TNIK: variants seen among roughly 807,000 people sequenced by gnomAD.
The protein encoded by TNIK is TRAF2 and NCK interacting kinase.
In TNIK, 49 loss-of-function variants were observed where a neutral mutation model predicts 191.3. The ratio of observed to expected loss-of-function variants is 0.26; its 90% CI spans 0.20 to 0.32. The LOEUF is 0.32. Ranked by LOEUF, TNIK falls within the 10% of genes least tolerant of loss-of-function variation. The pLI, the probability that TNIK is intolerant of heterozygous loss-of-function variation, is 1.00. For synonymous variants in TNIK, 594 were observed against 600.9 expected (o/e 0.99, Z 0.17); for missense variants, 1,155 against 1,702.3 (o/e 0.68, Z 5.66).
At chr3:171,221,062 T>G (rs976465985) in intron 3 of TNIK, among the ~76,000 whole-genome samples, 1 of 152,166 alleles carries the variant, frequency 6.6e-6, no homozygotes, top group African/African-American at 2.4e-5. Context: ...CAGTTGTTCA[T>G]TTTTAGAACC....
rs563969849 is a variant in TNIK, at chr3:171,259,160, T to C, written c.124-30939A>G. Among the ~76,000 whole-genome samples, 5 of 152,244 alleles carry C rather than the reference T, an allele frequency of 3.3e-5. No homozygotes were observed. The East Asian group carries it at 9.6e-4, about 29-fold the overall frequency. On this transcript the variant is annotated intron_variant, in intron 2 of 32. Transcript: ENST00000436636. The stretch of plus-strand genomic sequence containing the variant: ...TGTATGTGTGTGTGTATATGGCACA[T>C]AGTGTGTACTTTATAAATGTTGGGG...
chr3:171,419,683 G>A (rs539561715), intron 1 of TNIK, among the ~76,000 whole-genome samples: 1 of 152,304 alleles, frequency 6.6e-6, no homozygotes, highest in African/African-American at 2.4e-5. Flanking sequence ...TGTGACGTGG[G>A]GAGAGCATGG....
rs1056584921 is a variant in TNIK, at chr3:171,140,574, G to T, written c.1222-65C>A. ...CCCGGTGGGGGGTGTCAGGGAGCCA[G>T]CAGGAAAAGCTGTTGAACCCCAGAC... On this transcript the variant is annotated intron_variant, in intron 12 of 32. Coordinates refer to ENST00000436636, the MANE Select transcript of TNIK (RefSeq NM_015028.4). 87 of 1,477,154 alleles carry T rather than the reference G, an allele frequency of 5.9e-5. No homozygotes were observed. The Admixed American group carries it at 1.5e-3, about 25-fold the overall frequency. 91.5% of individuals were successfully genotyped at this position (1,477,154 alleles called of 1,614,324 possible). A position where few individuals can be genotyped will look rare whatever the true frequency, so the allele number is the denominator to read the frequency against.
chr3:171,284,787 G>A (rs567759206), intron 2 of TNIK, among the ~76,000 whole-genome samples: 1 of 152,216 alleles, frequency 6.6e-6, no homozygotes, highest in Non-Finnish European at 1.5e-5. Flanking sequence ...TAGCAAATAT[G>A]TATTAATACA....
chr3:171,228,842 C>G (rs562635643), intron 2 of TNIK, among the ~76,000 whole-genome samples: 2 of 152,240 alleles, frequency 1.3e-5, no homozygotes, highest in African/African-American at 4.8e-5. Flanking sequence ...AAATCAGAAA[C>G]GAGTAGGGAG....
At position 171,460,152 on chromosome 3, in the gene TNIK, C is replaced by T. The variant is rs1374147012; in HGVS notation, c.-89G>A. 2 of 1,504,046 alleles carry T rather than the reference C, an allele frequency of 1.3e-6. No homozygotes were observed. The highest frequency in any genetic ancestry group is 1.8e-6 in the Non-Finnish European group (2 of 1,109,748). 93.2% of individuals were successfully genotyped at this position (1,504,046 alleles called of 1,614,324 possible). A position where few individuals can be genotyped will look rare whatever the true frequency, so the allele number is the denominator to read the frequency against. On this transcript the variant is annotated 5_prime_UTR_variant, in exon 1 of 33. The change abolishes an upstream ATG in the 5' untranslated region. Coordinates refer to ENST00000436636, the MANE Select transcript of TNIK (RefSeq NM_015028.4). The surrounding 1 kb of genome is among the most constrained non-coding windows in gnomAD (Gnocchi z 6.8). ...CCTTGGTCTATTTCACTCGCGTCCT[C>T]ATGCGGGTGTCGCGCCAGAGGCCCC...
Position 171,084,325 on chromosome 3 carries a change from G to A in TNIK, c.2999C>T (p.Ala1000Val). 6.2e-7 allele frequency: 1 copy of A among 1,607,892 alleles called. No homozygotes were observed. The highest frequency in any genetic ancestry group is 8.5e-7 in the Non-Finnish European group (1 of 1,175,570). ...CCTAAGAAGTTCGCTAGTAAACAGA[G>A]CTTTGAGAAAAAGAATCAGAGAAGT... is the stretch of plus-strand genomic sequence containing the variant. ...DEEDEESSAA[A>V]LFTSELLRQE... Residue 1000 changes from alanine to valine, a missense_variant and splice_region_variant, in exon 26 of 33, where the codon GCT becomes GTT. Around this residue, in one of 3 missense-constraint regions of TNIK, gnomAD observed 735 missense variants for 848.0 expected, o/e 0.87. Coordinates refer to ENST00000436636, the MANE Select transcript of TNIK (RefSeq NM_015028.4).
chr3:171,309,268 G>T (rs1367787134), intron 2 of TNIK, among the ~76,000 whole-genome samples: 2 of 152,146 alleles, frequency 1.3e-5, no homozygotes, highest in Non-Finnish European at 2.9e-5. Context: ...GATGGAGCTG[G>T]AGGTCATCAT....
intron 1 of TNIK, among the ~76,000 whole-genome samples, chr3:171,436,236 C>G (rs2108675884): frequency 6.6e-6 from 1 of 152,292 alleles, no homozygotes; most frequent in African/African-American, 2.4e-5. Context: ...GTTTTTACCA[C>G]TACACTTTGA....
chr3:171,365,346 C>G (rs1203058399), intron 2 of TNIK, among the ~76,000 whole-genome samples: 4 of 151,446 alleles, frequency 2.6e-5, no homozygotes, highest in Non-Finnish European at 5.9e-5. Flanking sequence ...CCACGCCCAG[C>G]TAATTTTGTA....
chr3:171,298,713 G>A (rs1430693866), intron 2 of TNIK, among the ~76,000 whole-genome samples: 2 of 152,158 alleles, frequency 1.3e-5, no homozygotes, highest in Admixed American at 1.3e-4. Flanking sequence ...ACTCTTGCTG[G>A]ATATGTACAA....
At chr3:171,453,582 T>C (rs1021469015) in intron 1 of TNIK, among the ~76,000 whole-genome samples, 4 of 152,110 alleles carry the variant, frequency 2.6e-5, no homozygotes, top group African/African-American at 9.7e-5. Flanking sequence ...AGAGAAGGCC[T>C]TGAATAAAAA....
At chr3:171,424,102 T>A (rs1428136234) in intron 1 of TNIK, among the ~76,000 whole-genome samples, 1 of 151,962 alleles carries the variant, frequency 6.6e-6, no homozygotes, top group East Asian at 1.9e-4. Flanking sequence ...AGGGCTAATA[T>A]CCAGAATCTA....
Position 171,173,457 on chromosome 3 carries a change from A to G in TNIK, c.773+1795T>C, listed in dbSNP as rs937147749. ...AGGAGATGTATACTAACCAACTGACACCAGCTTCTGAGTTGGGGGGAGGTG... is the reference window on the plus strand; with the variant it reads ...AGGAGATGTATACTAACCAACTGACGCCAGCTTCTGAGTTGGGGGGAGGTG... On this transcript the variant is annotated intron_variant, in intron 9 of 32. Coordinates refer to ENST00000436636, the MANE Select transcript of TNIK (RefSeq NM_015028.4). Among the ~76,000 whole-genome samples, 8 of 152,072 alleles carry G rather than the reference A, an allele frequency of 5.3e-5. No individual in the cohort carries two copies. In the East Asian group the frequency reaches 1.6e-3, roughly 30 times the overall value.
intron 18 of TNIK, among the ~76,000 whole-genome samples, chr3:171,111,345 G>A (rs1260943215): frequency 6.6e-6 from 1 of 151,984 alleles, no homozygotes; most frequent in African/African-American, 2.4e-5. Context: ...ACCCCAGGAG[G>A]TCAAGGCTTC....
chr3:171,347,845 G>A (rs1348557163), intron 2 of TNIK, among the ~76,000 whole-genome samples: 1 of 152,150 alleles, frequency 6.6e-6, no homozygotes, highest in African/African-American at 2.4e-5. Context: ...AAAAGCAGCA[G>A]TTTTAGTCAC....
chr3:171,274,153 C>A (rs929115189), intron 2 of TNIK, among the ~76,000 whole-genome samples: 1 of 152,204 alleles, frequency 6.6e-6, no homozygotes, highest in African/African-American at 2.4e-5. Context: ...TGTGAGCATT[C>A]TTTAGCATAC....
intron 2 of TNIK, among the ~76,000 whole-genome samples, chr3:171,351,022 C>T (rs1256495557): frequency 3.3e-5 from 5 of 152,034 alleles, no homozygotes; most frequent in Non-Finnish European, 7.4e-5. Flanking sequence ...TCCCAAGTAG[C>T]TGGGACTACA....
At chr3:171,069,240 TA>T (rs1325217593) in intron 29 of TNIK, among the ~76,000 whole-genome samples, 1 of 152,096 alleles carries the variant, frequency 6.6e-6, no homozygotes, top group East Asian at 1.9e-4. Context: ...TGCACAGGTG[TA>T]AATTTTGATA....
Sources: allele counts gnomAD v4.1 joint callset (sites outside exome capture counted in the v4.1 genomes callset), GRCh38; gene constraint gnomAD v4.1.1; regional missense constraint gnomAD v4.1.1; non-coding constraint Gnocchi (gnomAD v3.1); transcripts MANE v1.5; gene names NCBI Gene and HGNC (gene_info 2026-07-23, HGNC 2026-07-21).